PCDH15: variants seen among roughly 807,000 people sequenced by gnomAD.
PCDH15 encodes the protein protocadherin related 15, also known as protocadherin-15.
A neutral mutation model predicts 178.5 loss-of-function variants in PCDH15; 129 were observed. That is an observed-to-expected ratio of 0.72 (90% CI 0.63 to 0.84). The LOEUF (loss-of-function observed/expected upper bound fraction) is 0.84. PCDH15 is among the 40% of genes least tolerant of loss of function. PCDH15 has a pLI of 0.00. For synonymous variants in PCDH15, 800 were observed against 732.0 expected, an observed-to-expected ratio of 1.09 and a Z score of -1.50; for missense variants, 2,230 against 2,099.9, an observed-to-expected ratio of 1.06 and a Z score of -1.21.
At chr10:55,570,976 C>T (rs1046771514) in intron 2 of PCDH15, among the ~76,000 whole-genome samples, 1 of 151,988 alleles carries the variant, frequency 6.6e-6, no homozygotes, top group Admixed American at 6.6e-5. Flanking sequence ...AAGCAAAATT[C>T]CCTAAATATA....
In PCDH15 at chr10:54,988,709, T is replaced by C. The variant is rs551602488; in HGVS notation, c.-79-91209A>G. Reference sequence around the variant, plus strand: ...CATTCAAGATGTGACTTGGGTGCTGTTAAAGGTATTCAGTTTTATAAGGGA... The same window carrying C: ...CATTCAAGATGTGACTTGGGTGCTGCTAAAGGTATTCAGTTTTATAAGGGA... On this transcript the variant is annotated intron_variant, in intron 2 of 5. Transcript: ENST00000458638. Among the ~76,000 whole-genome samples the C allele has an allele frequency of 5.3e-5, 8 of 152,276 alleles. No individual in the cohort carries two copies. The South Asian group carries it at 1.7e-3, about 32-fold the overall frequency.
intron 2 of PCDH15, among the ~76,000 whole-genome samples, chr10:55,074,726 C>T (rs1292793488): frequency 6.6e-6 from 1 of 152,100 alleles, no homozygotes; most frequent in African/African-American, 2.4e-5. Context: ...TTGATTAGAT[C>T]ACATTTGTCT....
chr10:54,517,945 C>A (rs1325285768), intron 3 of PCDH15, among the ~76,000 whole-genome samples: 11 of 152,152 alleles, frequency 7.2e-5, no homozygotes, highest in Non-Finnish European at 1.5e-5. Flanking sequence ...ACTGAACAAC[C>A]TGCTCCTGAA....
intron 2 of PCDH15, among the ~76,000 whole-genome samples, chr10:54,566,998 T>C (rs1480888209): frequency 1.3e-5 from 2 of 152,190 alleles, no homozygotes; most frequent in African/African-American, 2.4e-5. Context: ...GCATTTGGTG[T>C]CATCAGGGTT....
chr10:55,598,519 T>TATA (rs1457485255), intron 2 of PCDH15, among the ~76,000 whole-genome samples: 4 of 9,492 alleles, frequency 4.2e-4, no homozygotes, highest in Non-Finnish European at 1.7e-4. Flanking sequence ...CCCTAATATA[T>TATA]ATATATATAT....
intron 2 of PCDH15, among the ~76,000 whole-genome samples, chr10:54,931,034 C>T (rs1837759935): frequency 6.6e-6 from 1 of 152,116 alleles, no homozygotes; most frequent in African/African-American, 2.4e-5. Context: ...AGCTACATTC[C>T]ATTTTTCCTG....
At chr10:55,605,629 G>T (rs1035198648) in intron 2 of PCDH15, among the ~76,000 whole-genome samples, 3 of 145,776 alleles carry the variant, frequency 2.1e-5, no homozygotes, top group Non-Finnish European at 4.5e-5. Flanking sequence ...CATATAAACA[G>T]AACCAAAGAC....
intron 3 of PCDH15, among the ~76,000 whole-genome samples, chr10:54,850,421 C>T (rs933895135): frequency 1.2e-4 from 19 of 152,020 alleles, no homozygotes; most frequent in African/African-American, 4.3e-4. Context: ...AATTTGGAGT[C>T]TTTTATCCCT....
chr10:53,968,359 C>T (rs554538783), intron 21 of PCDH15, among the ~76,000 whole-genome samples: 1 of 152,286 alleles, frequency 6.6e-6, no homozygotes, highest in South Asian at 2.1e-4. Flanking sequence ...ACAGGAAGCT[C>T]GAACCGGGTG....
intron 2 of PCDH15, among the ~76,000 whole-genome samples, chr10:55,594,610 T>C (rs1464618020): frequency 6.6e-6 from 1 of 151,966 alleles, no homozygotes; most frequent in Non-Finnish European, 1.5e-5. Flanking sequence ...GTTGCAAAAA[T>C]TACAATTGTA....
chr10:54,065,575 T>C (rs1034146689), intron 18 of PCDH15, among the ~76,000 whole-genome samples: 8 of 152,206 alleles, frequency 5.3e-5, no homozygotes, highest in Admixed American at 3.9e-4. Flanking sequence ...TCAAGACCAG[T>C]TGGCATTTTA....
chr10:54,576,027 C>A (rs1477202720), intron 2 of PCDH15, among the ~76,000 whole-genome samples: 1 of 131,030 alleles, frequency 7.6e-6, no homozygotes, highest in Non-Finnish European at 1.6e-5. Flanking sequence ...AGATACATAT[C>A]TTTTACCTTG....
At chr10:55,454,348 T>A (rs1034346279) in intron 2 of PCDH15, among the ~76,000 whole-genome samples, 8 of 152,102 alleles carry the variant, frequency 5.3e-5, no homozygotes, top group Non-Finnish European at 1.2e-4. Context: ...GTAAGTTCAA[T>A]AATATATAAT....
chr10:54,729,029 T>C (rs1942974524), intron 1 of PCDH15, among the ~76,000 whole-genome samples: 1 of 151,510 alleles, frequency 6.6e-6, no homozygotes, highest in Admixed American at 6.6e-5. Flanking sequence ...GCTATTCCAT[T>C]CAAACTACCA....
chr10:55,587,162 C>T (rs1307974429), intron 2 of PCDH15, among the ~76,000 whole-genome samples: 5 of 151,916 alleles, frequency 3.3e-5, no homozygotes, highest in Admixed American at 6.6e-5. Flanking sequence ...GTATTACATA[C>T]ATTATACATG....
At chr10:54,897,620 G>T (rs1016759883) in intron 2 of PCDH15, 1 of 152,004 alleles carries the variant, frequency 6.6e-6, no homozygotes, top group Non-Finnish European at 1.5e-5. Context: ...TATAACTTCT[G>T]GTGTTTACAT....
intron 28 of PCDH15, among the ~76,000 whole-genome samples, chr10:53,851,315 T>C (rs1441844845): frequency 6.6e-6 from 1 of 152,006 alleles, no homozygotes; most frequent in African/African-American, 2.4e-5. Flanking sequence ...TTTATTAATA[T>C]TGTTATTTTA....
rs191038110 is a variant in PCDH15, at chr10:54,521,987, C to G, written c.157+5825G>C. Reference sequence around the variant, plus strand: ...CATGTGGTCCTAGCTACTCGGGAGGCTGAGGCAGGAGAATGGCGTGAACCT... The same window carrying G: ...CATGTGGTCCTAGCTACTCGGGAGGGTGAGGCAGGAGAATGGCGTGAACCT... On this transcript the variant is annotated intron_variant, in intron 3 of 37. Coordinates refer to ENST00000644397, the MANE Select transcript of PCDH15 (RefSeq NM_001384140.1). 1.4e-4 allele frequency among the ~76,000 whole-genome samples: 21 copies of G among 146,108 alleles called. No homozygotes were observed. The East Asian group carries it at 4.4e-3, about 31-fold the overall frequency.
chr10:55,514,398 C>G (rs1322784803), intron 2 of PCDH15, among the ~76,000 whole-genome samples: 1 of 152,060 alleles, frequency 6.6e-6, no homozygotes, highest in Non-Finnish European at 1.5e-5. Context: ...CTTTTGTTCT[C>G]CGAAAGTTTG....
Sources: allele counts gnomAD v4.1 joint callset (sites outside exome capture counted in the v4.1 genomes callset), GRCh38; gene constraint gnomAD v4.1.1; transcripts MANE v1.5; gene names NCBI Gene and HGNC (gene_info 2026-07-23, HGNC 2026-07-21).